The following ITCH variants were observed in gnomAD, a reference collection of about 807,000 sequenced individuals.
ITCH encodes the protein itchy E3 ubiquitin protein ligase.
Under a neutral mutation model 126.8 loss-of-function variants are expected in ITCH, and 28 were observed. The ratio of observed to expected loss-of-function variants is 0.22; its 90% CI spans 0.16 to 0.30. ITCH has a LOEUF of 0.30. Ranked by LOEUF, ITCH falls within the 10% of genes least tolerant of loss-of-function variation. ITCH has a pLI of 1.00. For synonymous variants in ITCH, 342 were observed against 340.0 expected (o/e 1.01, Z -0.06); for missense variants, 631 against 1,032.4 (o/e 0.61, Z 5.33).
At chr20:34,430,482 GT>G (rs1982137638) in intron 7 of ITCH, among the ~76,000 whole-genome samples, 1 of 151,808 alleles carries the variant, frequency 6.6e-6, no homozygotes, top group African/African-American at 2.4e-5. Flanking sequence ...GTTCTGTTTT[GT>G]TTTGTTTTAA....
At chr20:34,364,186 A>G (rs1053285951) in intron 1 of ITCH, among the ~76,000 whole-genome samples, 18 of 152,194 alleles carry the variant, frequency 1.2e-4, no homozygotes, top group African/African-American at 3.9e-4. Flanking sequence ...TTAGTTGGAC[A>G]TGTAACCAGG....
chr20:34,507,263 G>GTTTTTTTTTTT (rs776161631), intron 24 of ITCH, among the ~76,000 whole-genome samples: 157 of 39,066 alleles, frequency 4.0e-3, no homozygotes, highest in East Asian at 5.3e-3. Context: ...GTTTTCTTCT[G>GTTTTTTTTTTT]TTTTTTTTTT....
At chr20:34,413,336 A>C (rs553041820) in intron 5 of ITCH, among the ~76,000 whole-genome samples, 28 of 152,316 alleles carry the variant, frequency 1.8e-4, no homozygotes, top group African/African-American at 6.7e-4. Context: ...ACTATCTAAA[A>C]CATACTTCTA....
At position 34,511,691 on chromosome 20, in the gene ITCH, T is replaced by C. The variant is rs1978825481; in HGVS notation, c.*3897T>C. Among the ~76,000 whole-genome samples the C allele has an allele frequency of 6.6e-6, 1 of 152,246 alleles. No individual in the cohort carries two copies. Among genetic ancestry groups the C allele is most frequent in the Admixed American group, 6.5e-5 (1 of 15,278 alleles). ...AATGATCCCAAGACCAACTCAAAAC[T>C]ACAAAGTTTTCCAGAGCTTATTTAC... is the stretch of plus-strand genomic sequence containing the variant. On this transcript the variant is annotated 3_prime_UTR_variant, in exon 25 of 25. Transcript: ENST00000374864.
Position 34,470,054 on chromosome 20 carries a change from T to C in ITCH, c.1431T>C (p.Asn477=), listed in dbSNP as rs1216611082. ...AACCCTTGTTCTTCCTCAGAGACAA[T>C]GGACCTCAGATAGCCTATGTTCGGG... is the stretch of plus-strand genomic sequence containing the variant. ...DPRTGKSALD[N]GPQIAYVRDF... is the part of the protein sequence containing the mutation. Residue 477 remains asparagine (N), a synonymous_variant, in exon 15 of 25, where the codon AAT becomes AAC. Coordinates refer to ENST00000374864, the MANE Select transcript of ITCH (RefSeq NM_031483.7). 2 of 1,613,356 alleles carry C rather than the reference T, an allele frequency of 1.2e-6. No individual in the cohort carries two copies. Among genetic ancestry groups the C allele is most frequent in the East Asian group, 4.5e-5 (2 of 44,876 alleles).
chr20:34,404,107 A>G (rs930267596), intron 3 of ITCH, among the ~76,000 whole-genome samples: 1 of 152,180 alleles, frequency 6.6e-6, no homozygotes, highest in East Asian at 1.9e-4. Flanking sequence ...GGATTGGAGA[A>G]GTGAGAGTAA....
At chr20:34,388,612 CAA>C (rs2038375776) in intron 2 of ITCH, among the ~76,000 whole-genome samples, 1 of 151,998 alleles carries the variant, frequency 6.6e-6, no homozygotes. Flanking sequence ...AACCAATAAA[CAA>C]AAAAGTTATG....
At chr20:34,433,780 T>C (rs1568935860) in intron 7 of ITCH, among the ~76,000 whole-genome samples, 1 of 151,956 alleles carries the variant, frequency 6.6e-6, no homozygotes, top group Non-Finnish European at 1.5e-5. Context: ...ATGCCCAATA[T>C]GTATTGAGTA....
intron 14 of ITCH, among the ~76,000 whole-genome samples, chr20:34,467,188 TAGTA>T: frequency 6.6e-6 from 1 of 152,246 alleles, no homozygotes; most frequent in South Asian, 2.1e-4. Context: ...CAAGAACAGA[TAGTA>T]AGTCTAAATA....
intron 10 of ITCH, among the ~76,000 whole-genome samples, chr20:34,443,305 A>T (rs942358042): frequency 5.3e-5 from 8 of 151,926 alleles, no homozygotes; most frequent in Non-Finnish European, 1.2e-4. Flanking sequence ...AGGTCAAGAG[A>T]TCGAGACCAT....
At chr20:34,460,140 G>A (rs6059851) in intron 13 of ITCH, among the ~76,000 whole-genome samples, 68,658 of 151,914 alleles carry the variant, frequency 0.45, 16,021 homozygotes, top group Non-Finnish European at 0.5. Flanking sequence ...TTGGTAGTCT[G>A]TTTTATCTGA....
intron 10 of ITCH, among the ~76,000 whole-genome samples, chr20:34,443,897 G>T (rs1375061021): frequency 2.6e-5 from 4 of 152,022 alleles, no homozygotes; most frequent in African/African-American, 9.7e-5. Context: ...GAAGTGGGAG[G>T]ATCTGTTGAG....
At position 34,381,600 on chromosome 20, in the gene ITCH, G is replaced by GT. The variant is rs967231933; in HGVS notation, c.-22+12137dup. On this transcript the variant is annotated intron_variant, in intron 2 of 24. Coordinates refer to ENST00000374864, the MANE Select transcript of ITCH (RefSeq NM_031483.7). The stretch of plus-strand genomic sequence containing the variant: ...CGCCACCATGCTTGGCTAATTTTTT[G>GT]TTTTTTTAGTAGAGACGGGGTTTCA... Among the ~76,000 whole-genome samples, 5 of 152,050 alleles carry GT rather than the reference G, an allele frequency of 3.3e-5. No individual in the cohort carries two copies. The East Asian group carries it at 5.8e-4, about 18-fold the overall frequency.
chr20:34,437,436 G>C (rs568161638), intron 7 of ITCH, among the ~76,000 whole-genome samples: 1 of 152,226 alleles, frequency 6.6e-6, no homozygotes, highest in African/African-American at 2.4e-5. Context: ...CTCCTGAGTA[G>C]CTTCGACTAC....
chr20:34,503,879 T>TGTTTG (rs1269221075), intron 23 of ITCH, among the ~76,000 whole-genome samples: 1 of 114,634 alleles, frequency 8.7e-6, no homozygotes, highest in South Asian at 2.7e-4. Flanking sequence ...GGTTTTTTTT[T>TGTTTG]TTTTGGTTTT....
At chr20:34,422,303 A>T (rs2146212176) in intron 6 of ITCH, among the ~76,000 whole-genome samples, 1 of 152,320 alleles carries the variant, frequency 6.6e-6, no homozygotes, top group East Asian at 1.9e-4. Context: ...ATGTGATTAA[A>T]ATACTGTTCT....
chr20:34,417,163 C>G (rs989735759), intron 6 of ITCH: 1 of 683,242 alleles, frequency 1.5e-6, no homozygotes, highest in Non-Finnish European at 2.7e-6. Context: ...ATAGTGCGAT[C>G]TCGGCTCACT....
At chr20:34,449,697 C>T (rs577055308) in intron 12 of ITCH, among the ~76,000 whole-genome samples, 4 of 152,034 alleles carry the variant, frequency 2.6e-5, no homozygotes, top group Admixed American at 2.0e-4. Context: ...TATTGACGCT[C>T]ATAATTATTT....
At chr20:34,451,748 T>G (rs1282216636) in intron 12 of ITCH, among the ~76,000 whole-genome samples, 1 of 151,996 alleles carries the variant, frequency 6.6e-6, no homozygotes, top group Non-Finnish European at 1.5e-5. Context: ...AAATGATATA[T>G]CCAAAGGATA....
Sources: gnomAD v4.1 joint callset for allele counts (sites outside exome capture counted in the v4.1 genomes callset) on GRCh38, gnomAD v4.1.1 for gene constraint, MANE v1.5 for transcripts, NCBI Gene and HGNC (gene_info 2026-07-23, HGNC 2026-07-21) for gene names.